The following SEC24D variants were observed in gnomAD, a reference collection of about 807,000 sequenced individuals.
The protein encoded by SEC24D is SEC24 homolog D, COPII component.
A neutral mutation model predicts 116.9 loss-of-function variants in SEC24D; 69 were observed. That is an observed-to-expected ratio of 0.59 (90% confidence interval 0.49 to 0.72). SEC24D has a LOEUF of 0.72. SEC24D is among the 30% of genes least tolerant of loss of function. SEC24D has a pLI of 0.00. For synonymous variants in SEC24D, 405 were observed against 442.8 expected (o/e 0.91, Z 1.07); for missense variants, 1,131 against 1,264.1 (o/e 0.89, Z 1.60).
intron 6 of SEC24D, 41 bp from the exon 7 acceptor site, chr4:118,805,995 A>G: frequency 7.6e-7 from 1 of 1,310,814 alleles, no homozygotes; most frequent in Non-Finnish European, 1.1e-6. Context: ...AGTAGGTTCC[A>G]GTTCTTCCCA....
intron 6 of SEC24D, among the ~76,000 whole-genome samples, chr4:118,809,837 T>C (rs1729827847): frequency 6.6e-6 from 1 of 152,060 alleles, no homozygotes; most frequent in African/African-American, 2.4e-5. Flanking sequence ...TTCAGTGCTG[T>C]GGATATGGAG....
chr4:118,819,319 CAGG>C (rs1027131863), intron 3 of SEC24D, among the ~76,000 whole-genome samples: 2 of 151,920 alleles, frequency 1.3e-5, no homozygotes, highest in Non-Finnish European at 2.9e-5. Context: ...ATCACGAGGT[CAGG>C]AGATCGAGAC....
chr4:118,824,884 TA>T lies in SEC24D; in HGVS notation c.119-136del, dbSNP rs1297510305. On this transcript the variant is annotated intron_variant, in intron 2 of 22. Transcript: ENST00000280551. The stretch of plus-strand genomic sequence containing the variant: ...ATTAGAACAAAATCTCTTTCAAGCT[TA>T]ACCATCACCTACAGACCTGTCAATA... 3 of 737,366 alleles carry T rather than the reference TA, an allele frequency of 4.1e-6. No individual in the cohort carries two copies. In the African/African-American group the frequency reaches 5.4e-5, roughly 13 times the overall value. 45.7% of individuals were successfully genotyped at this position (737,366 alleles called of 1,614,324 possible).
chr4:118,728,252 T>A lies in SEC24D; in HGVS notation c.2958+309A>T, dbSNP rs28760411. Among the ~76,000 whole-genome samples, 243 of 152,320 alleles carry A rather than the reference T, an allele frequency of 1.6e-3. 2 individuals carry two copies. Among genetic ancestry groups the A allele is most frequent in the African/African-American group, 5.5e-3 (227 of 41,568 alleles). On this transcript the variant is annotated intron_variant, in intron 22 of 22. Coordinates refer to ENST00000280551, the MANE Select transcript of SEC24D (RefSeq NM_014822.4). ...ATGATACTTTTATAATTAAGTAATTTTAGGCACCAGAAGAAAAGTCACTTC... is the reference window on the plus strand; with the variant it reads ...ATGATACTTTTATAATTAAGTAATTATAGGCACCAGAAGAAAAGTCACTTC...
At chr4:118,748,576 G>A (rs1189989667) in intron 13 of SEC24D, among the ~76,000 whole-genome samples, 2 of 152,108 alleles carry the variant, frequency 1.3e-5, no homozygotes, top group African/African-American at 4.8e-5. Flanking sequence ...TCTTAACATG[G>A]CAGAAAACAG....
intron 19 of SEC24D, 172 bp downstream of exon 19, chr4:118,738,089 T>C: frequency 2.2e-6 from 1 of 448,700 alleles, no homozygotes; most frequent in South Asian, 3.3e-5. Context: ...ATGTTGGCTA[T>C]AAAAAAAAAA....
In SEC24D at chr4:118,817,353, G is replaced by A; in HGVS notation, c.308C>T (p.Ser103Phe). Residue 103 changes from serine to phenylalanine, a missense_variant, in exon 4 of 23, where the codon TCT becomes TTT. Coordinates refer to ENST00000280551, the MANE Select transcript of SEC24D (RefSeq NM_014822.4). ...VASSHAPYQP[S>F]AQSSYPGPIS... ...AGGACCTGGATAAGAAGATTGTGCAGAGGGTTGGTATGGTGCATGTGAGGA... is the reference window on the plus strand; with the variant it reads ...AGGACCTGGATAAGAAGATTGTGCAAAGGGTTGGTATGGTGCATGTGAGGA... The A allele has an allele frequency of 6.2e-7, 1 of 1,614,020 alleles. No homozygotes were observed. Among genetic ancestry groups the A allele is most frequent in the South Asian group, 1.1e-5 (1 of 91,060 alleles).
At chr4:118,731,595 C>G in intron 20 of SEC24D, 88 bp from the exon 21 acceptor site, 2 of 1,108,690 alleles carry the variant, frequency 1.8e-6, no homozygotes, top group South Asian at 2.7e-5. Context: ...TTCCTCCCTC[C>G]CCTCCCTCAA....
In SEC24D at chr4:118,797,742, G is replaced by A; in HGVS notation, c.982C>T (p.Gln328Ter). Residue 328 changes from glutamine (Q) to a stop codon, truncating the protein, a stop_gained, in exon 8 of 23, where the codon CAA becomes TAA. Transcript: ENST00000280551. LOFTEE classifies it high-confidence loss of function. Reference sequence around the variant, plus strand: ...ACAGCAGCTAATGGAATCTGAGCTTGCTTAGCCATATCTGACGTGCATGGA... The same window carrying A: ...ACAGCAGCTAATGGAATCTGAGCTTACTTAGCCATATCTGACGTGCATGGA... ...CFPCTSDMAK[Q>*]AQIPLAAVIK... 1 of 1,609,880 alleles carries A rather than the reference G, an allele frequency of 6.2e-7. No individual in the cohort carries two copies. Among genetic ancestry groups the A allele is most frequent in the Non-Finnish European group, 8.5e-7 (1 of 1,177,868 alleles).
intron 8 of SEC24D, among the ~76,000 whole-genome samples, chr4:118,781,186 C>T (rs1046430824): frequency 1.1e-4 from 16 of 152,058 alleles, no homozygotes; most frequent in African/African-American, 1.7e-4. Context: ...CTAGCATTGA[C>T]GGTCTTTACA....
chr4:118,782,272 T>G (rs184213316), intron 8 of SEC24D, among the ~76,000 whole-genome samples: 324 of 152,312 alleles, frequency 2.1e-3, no homozygotes, highest in Middle Eastern at 0.01. Context: ...GGGGTTTTGG[T>G]GTGGATGTCC....
At chr4:118,828,760 C>CATTG (rs754386905) in intron 2 of SEC24D, among the ~76,000 whole-genome samples, 1 of 152,210 alleles carries the variant, frequency 6.6e-6, no homozygotes, top group Non-Finnish European at 1.5e-5. Flanking sequence ...ACTGTACATA[C>CATTG]ATTGGATTGT....
At chr4:118,736,557 T>G in intron 19 of SEC24D, 1 of 339,200 alleles carries the variant, frequency 2.9e-6, no homozygotes, top group South Asian at 2.4e-5. Flanking sequence ...AGATATTATT[T>G]TTCACAAGTG....
intron 8 of SEC24D, among the ~76,000 whole-genome samples, chr4:118,779,083 A>G (rs1182409873): frequency 1.3e-5 from 2 of 152,282 alleles, no homozygotes; most frequent in East Asian, 3.9e-4. Context: ...TCCTAATTAA[A>G]TACGCTTTAT....
intron 7 of SEC24D, among the ~76,000 whole-genome samples, chr4:118,805,567 AT>A (rs1229916280): frequency 2.8e-4 from 43 of 152,342 alleles, no homozygotes; most frequent in African/African-American, 9.4e-4. Context: ...AAAGTAGGGT[AT>A]AAACTAATTT....
Position 118,783,680 on chromosome 4 carries a change from C to T in SEC24D, c.1041+14003G>A, listed in dbSNP as rs1169201287. 2.0e-5 allele frequency among the ~76,000 whole-genome samples: 3 copies of T among 152,130 alleles called. 1 individual carries two copies. Among genetic ancestry groups the T allele is most frequent in the Admixed American group, 6.5e-5 (1 of 15,272 alleles). On this transcript the variant is annotated intron_variant, in intron 8 of 22. Coordinates refer to ENST00000280551, the MANE Select transcript of SEC24D (RefSeq NM_014822.4). ...TGGTATATGAGATGACTGAAAACAT[C>T]ACTAAAATCCCAGGAGTGATTATAC... is the stretch of plus-strand genomic sequence containing the variant.
At chr4:118,746,019 TAA>T (rs1016543196) in intron 13 of SEC24D, among the ~76,000 whole-genome samples, 3 of 151,754 alleles carry the variant, frequency 2.0e-5, no homozygotes, top group Non-Finnish European at 4.4e-5. Flanking sequence ...TCTACAAAAA[TAA>T]AAAGACTAGC....
At chr4:118,781,551 T>C (rs1052956318) in intron 8 of SEC24D, among the ~76,000 whole-genome samples, 11 of 152,208 alleles carry the variant, frequency 7.2e-5, no homozygotes, top group East Asian at 1.9e-4. Flanking sequence ...TTGGTGATTC[T>C]GGCAATTATG....
At position 118,731,806 on chromosome 4, in the gene SEC24D, G is replaced by A. The variant is rs114929864; in HGVS notation, c.2677-299C>T. Among the ~76,000 whole-genome samples the A allele has an allele frequency of 2.0e-3, 304 of 152,184 alleles. 1 individual carries two copies. Among genetic ancestry groups the A allele is most frequent in the African/African-American group, 6.8e-3 (284 of 41,538 alleles). On this transcript the variant is annotated intron_variant, in intron 20 of 22. Coordinates refer to ENST00000280551, the MANE Select transcript of SEC24D (RefSeq NM_014822.4). ...TGGGGTGTGTCGCTGATAAAGGTGCGGACAAATTTTAACTAGGGTAGTCCA... is the reference window on the plus strand; with the variant it reads ...TGGGGTGTGTCGCTGATAAAGGTGCAGACAAATTTTAACTAGGGTAGTCCA...
Sources: allele counts gnomAD v4.1 joint callset (sites outside exome capture counted in the v4.1 genomes callset), GRCh38; gene constraint gnomAD v4.1.1; transcripts MANE v1.5; gene names NCBI Gene and HGNC (gene_info 2026-07-23, HGNC 2026-07-21).